Variants in SRBD1 observed in about 807,000 individuals in gnomAD.
SRBD1 encodes S1 RNA-binding domain-containing protein 1.
Under a neutral mutation model 115.3 loss-of-function variants are expected in SRBD1, and 88 were observed. The observed-to-expected ratio is 0.76, with a 90% CI of 0.64 to 0.91. The LOEUF (loss-of-function observed/expected upper bound fraction) is 0.91, where lower values mean the gene tolerates loss of function less well. Ranked by LOEUF, SRBD1 falls within the 40% of genes least tolerant of loss-of-function variation. The pLI is 0.00. For synonymous variants in SRBD1, 509 were observed against 407.7 expected (o/e 1.25, Z -2.99); for missense variants, 1,385 against 1,177.4 (o/e 1.18, Z -2.58).
At chr2:45,587,225 T>C (rs974513789) in intron 4 of SRBD1, among the ~76,000 whole-genome samples, 2 of 143,824 alleles carry the variant, frequency 1.4e-5, no homozygotes, top group Non-Finnish European at 3.0e-5. Context: ...ATTATAAATA[T>C]TAAGATATTT....
At chr2:45,402,308 T>C (rs1298331918) in intron 19 of SRBD1, among the ~76,000 whole-genome samples, 1 of 152,190 alleles carries the variant, frequency 6.6e-6, no homozygotes, top group Non-Finnish European at 1.5e-5. Flanking sequence ...TACAGAAGTT[T>C]CTTCCCTCCC....
chr2:45,555,040 A>T (rs920364406), intron 10 of SRBD1, among the ~76,000 whole-genome samples: 1 of 150,462 alleles, frequency 6.6e-6, no homozygotes, highest in Non-Finnish European at 1.5e-5. Flanking sequence ...CCTTACCCCA[A>T]CCAATCAAAG....
intron 16 of SRBD1, among the ~76,000 whole-genome samples, chr2:45,452,303 CT>C: frequency 6.6e-6 from 1 of 152,080 alleles, no homozygotes; most frequent in East Asian, 1.9e-4. Flanking sequence ...AATTAACCTT[CT>C]TATTTCTAAG....
At chr2:45,421,596 T>C (rs973365114) in intron 16 of SRBD1, among the ~76,000 whole-genome samples, 1 of 150,704 alleles carries the variant, frequency 6.6e-6, no homozygotes, top group African/African-American at 2.4e-5. Flanking sequence ...TTTAAAGTAT[T>C]TGTTGACTAA....
intron 1 of SRBD1, among the ~76,000 whole-genome samples, chr2:45,605,642 G>A (rs549275474): frequency 6.6e-4 from 101 of 152,316 alleles, no homozygotes; most frequent in African/African-American, 2.4e-3. Context: ...CATGGCTCAT[G>A]CCTGTAATCC....
chr2:45,423,836 T>C lies in SRBD1; in HGVS notation c.2050-3942A>G, dbSNP rs568742388. ...TAAATCCAACAGCCTATTAAAAGGA[T>C]TGACATACACGACATACATATAATG... On this transcript the variant is annotated intron_variant, in intron 16 of 20. Transcript: ENST00000263736. 2.3e-3 allele frequency among the ~76,000 whole-genome samples: 356 copies of C among 152,274 alleles called. 2 individuals are homozygous for C. Among genetic ancestry groups the C allele is most frequent in the African/African-American group, 8.4e-3 (348 of 41,558 alleles).
At chr2:45,610,382 A>T (rs1674407912) in intron 1 of SRBD1, among the ~76,000 whole-genome samples, 1 of 152,260 alleles carries the variant, frequency 6.6e-6, no homozygotes, top group Non-Finnish European at 1.5e-5. Context: ...GAATGTTAGC[A>T]GATTCCCAAG....
chr2:45,571,152 G>C (rs1261167114), intron 9 of SRBD1, among the ~76,000 whole-genome samples: 3 of 152,120 alleles, frequency 2.0e-5, no homozygotes, highest in Admixed American at 6.6e-5. Context: ...GGAAGAAAAG[G>C]CTACGGCAGA....
intron 16 of SRBD1, among the ~76,000 whole-genome samples, chr2:45,442,858 T>C (rs776798881): frequency 6.6e-6 from 1 of 152,216 alleles, no homozygotes; most frequent in African/African-American, 2.4e-5. Context: ...CACCCTTTTA[T>C]AATATTCTAA....
Position 45,551,416 on chromosome 2 carries a change from T to C in SRBD1, c.1518-134A>G. 3.3e-6 allele frequency: 3 copies of C among 897,962 alleles called. No individual in the cohort carries two copies. The South Asian group carries it at 5.6e-5, about 17-fold the overall frequency. 55.6% of individuals were successfully genotyped at this position (897,962 alleles called of 1,614,324 possible). A position where few individuals can be genotyped will look rare whatever the true frequency, so the allele number is the denominator to read the frequency against. ...AACAATATAACTTAAGAGAAAAATA[T>C]ACAAAAATTATATTGAGTCTATTTT... On this transcript the variant is annotated intron_variant, in intron 11 of 20. Coordinates refer to ENST00000263736, the MANE Select transcript of SRBD1 (RefSeq NM_018079.5).
At chr2:45,587,163 T>C (rs1006921140) in intron 4 of SRBD1, among the ~76,000 whole-genome samples, 1 of 144,308 alleles carries the variant, frequency 6.9e-6, no homozygotes, top group Non-Finnish European at 1.5e-5. Context: ...TTATTTTAAA[T>C]TATAAATATT....
intron 16 of SRBD1, among the ~76,000 whole-genome samples, chr2:45,473,283 A>G (rs1445666816): frequency 3.3e-5 from 5 of 152,090 alleles, no homozygotes; most frequent in Admixed American, 1.3e-4. Flanking sequence ...TTTTCCTGAA[A>G]AAGAATCTTA....
At position 45,392,845 on chromosome 2, in the gene SRBD1, A is replaced by T. The variant is rs963687994; in HGVS notation, c.2698+100T>A. ...TTCTCATGTATAAAATGGGAGAATA[A>T]TATCCATTCTGCTTATGGCATAGGA... On this transcript the variant is annotated intron_variant, in intron 20 of 20. Transcript: ENST00000263736. 12 of 1,058,554 alleles carry T rather than the reference A, an allele frequency of 1.1e-5. No individual in the cohort carries two copies. In the African/African-American group the frequency reaches 1.9e-4, roughly 17 times the overall value. The allele number at this position is 1,058,554 out of a possible 1,614,324, so 65.6% of individuals were successfully genotyped here.
rs537074218 is a variant in SRBD1, at chr2:45,519,368, C to A, written c.1874+27364G>T. On this transcript the variant is annotated intron_variant, in intron 14 of 20. Coordinates refer to ENST00000263736, the MANE Select transcript of SRBD1 (RefSeq NM_018079.5). ...CACACATTTCAAACTAAACCTTGGCCGCCATTGGTCCAGGGAAACAAAAGC... is the reference window on the plus strand; with the variant it reads ...CACACATTTCAAACTAAACCTTGGCAGCCATTGGTCCAGGGAAACAAAAGC... Among the ~76,000 whole-genome samples the A allele has an allele frequency of 1.4e-4, 21 of 152,164 alleles. No homozygotes were observed. In the East Asian group the frequency reaches 4.1e-3, roughly 29 times the overall value.
intron 1 of SRBD1, among the ~76,000 whole-genome samples, 194 bp from the exon 2 acceptor site, chr2:45,605,635 G>C (rs1471352271): frequency 6.6e-6 from 1 of 152,214 alleles, no homozygotes; most frequent in East Asian, 1.9e-4. Context: ...TGGGCACCAT[G>C]GCTCATGCCT....
At chr2:45,576,616 C>T (rs1483741067) in intron 7 of SRBD1, among the ~76,000 whole-genome samples, 1 of 152,186 alleles carries the variant, frequency 6.6e-6, no homozygotes, top group Non-Finnish European at 1.5e-5. Context: ...GACTGTATAT[C>T]TAATGGACTT....
chr2:45,570,988 A>G (rs555381799), intron 9 of SRBD1, among the ~76,000 whole-genome samples: 1 of 152,150 alleles, frequency 6.6e-6, no homozygotes, highest in Non-Finnish European at 1.5e-5. Flanking sequence ...AGAACAAAAA[A>G]CCTGTGAAAA....
chr2:45,548,444 C>A (rs1672188605), intron 12 of SRBD1, among the ~76,000 whole-genome samples: 1 of 151,918 alleles, frequency 6.6e-6, no homozygotes, highest in South Asian at 2.1e-4. Flanking sequence ...CCATTATAAA[C>A]AACTTTATAT....
intron 4 of SRBD1, among the ~76,000 whole-genome samples, chr2:45,590,214 T>A (rs771698971): frequency 2.0e-5 from 3 of 152,236 alleles, no homozygotes; most frequent in Admixed American, 2.0e-4. Flanking sequence ...CCTAACCAAT[T>A]CCATCTTGTT....
Sources: allele counts gnomAD v4.1 joint callset (sites outside exome capture counted in the v4.1 genomes callset), GRCh38; gene constraint gnomAD v4.1.1; transcripts MANE v1.5; gene names NCBI Gene and HGNC (gene_info 2026-07-23, HGNC 2026-07-21).